Variants in STOM observed in about 807,000 individuals in gnomAD.
STOM encodes erythrocyte band 7 integral membrane protein.
STOM carries 25 observed loss-of-function variants against 30.6 expected under a neutral mutation model. The observed-to-expected ratio is 0.82, with a 90% CI of 0.60 to 1.14. STOM has a LOEUF of 1.14. STOM is among the 50% of genes most tolerant of loss of function. The pLI is 0.00. For synonymous variants in STOM, 118 were observed against 130.8 expected (o/e 0.90, Z 0.67); for missense variants, 292 against 365.2 (o/e 0.80, Z 1.63).
chr9:121,347,902 T>G, intron 6 of STOM, 113 bp downstream of exon 6: 5 of 1,336,498 alleles, frequency 3.7e-6, no homozygotes, highest in Non-Finnish European at 5.0e-6. Context: ...ACTTCTAACT[T>G]TACCACTTCA....
intron 1 of STOM, among the ~76,000 whole-genome samples, chr9:121,368,444 A>C (rs1444283644): frequency 6.6e-6 from 1 of 152,204 alleles, no homozygotes; most frequent in Non-Finnish European, 1.5e-5. Flanking sequence ...GGAAAAGACA[A>C]CTAACTATCG....
chr9:121,356,875 G>A (rs1015931473), intron 1 of STOM, among the ~76,000 whole-genome samples: 5 of 152,062 alleles, frequency 3.3e-5, no homozygotes, highest in Non-Finnish European at 5.9e-5. Context: ...CCCAGCTACT[G>A]GGAAGGCTGA....
At chr9:121,348,263 A>ACC in intron 5 of STOM, 114 bp from the exon 6 acceptor site, 1 of 1,444,650 alleles carries the variant, frequency 6.9e-7, no homozygotes. Flanking sequence ...TTGTGGAGAG[A>ACC]CAGTTACCCC....
chr9:121,340,066 A>G lies in STOM; in HGVS notation c.*1136T>C. On this transcript the variant is annotated 3_prime_UTR_variant, in exon 7 of 7. Transcript: ENST00000286713. ...CAGCTATTCAAATAGATATATAACAATTGCATATAGAACGTAGAGAAAATT... is the reference window on the plus strand; with the variant it reads ...CAGCTATTCAAATAGATATATAACAGTTGCATATAGAACGTAGAGAAAATT... 9.3e-6 allele frequency: 9 copies of G among 972,756 alleles called. No individual in the cohort carries two copies. The highest frequency in any genetic ancestry group is 1.1e-5 in the Non-Finnish European group (9 of 818,314). 60.3% of individuals were successfully genotyped at this position (972,756 alleles called of 1,614,324 possible). A position where few individuals can be genotyped will look rare whatever the true frequency, so the allele number is the denominator to read the frequency against.
chr9:121,342,787 G>A (rs917749495), intron 6 of STOM, among the ~76,000 whole-genome samples: 8 of 152,166 alleles, frequency 5.3e-5, no homozygotes, highest in Non-Finnish European at 1.0e-4. Flanking sequence ...TTTACATGCC[G>A]ATTTAAAATG....
intron 3 of STOM, 48 bp downstream of exon 3, chr9:121,354,553 A>C: frequency 6.8e-7 from 1 of 1,464,858 alleles, no homozygotes; most frequent in Non-Finnish European, 9.3e-7. Flanking sequence ...AAAAAAAATA[A>C]AAAGAACTTT....
intron 1 of STOM, among the ~76,000 whole-genome samples, chr9:121,363,702 CAG>C (rs984500886): frequency 1.3e-5 from 2 of 152,146 alleles, no homozygotes; most frequent in South Asian, 2.1e-4. Flanking sequence ...CATACAGAAA[CAG>C]AGTCAGCTAG....
intron 1 of STOM, among the ~76,000 whole-genome samples, chr9:121,365,477 GTT>G (rs60755333): frequency 1.0e-4 from 15 of 144,822 alleles, no homozygotes; most frequent in South Asian, 4.3e-4. Context: ...CACTTTTTAG[GTT>G]TTTTTTTTTT....
rs79106706 is a variant in STOM at position 121,354,910 on chromosome 9, T to C, written c.166-237A>G. Among the ~76,000 whole-genome samples the C allele has an allele frequency of 4.2e-3, 643 of 152,230 alleles. 4 individuals carry two copies. The highest frequency in any genetic ancestry group is 0.015 in the African/African-American group (614 of 41,522). ...CTGTATAAATTTAGGAAGGACAGAA[T>C]AGTATACAGAAACAAATCCATAACC... On this transcript the variant is annotated intron_variant, in intron 2 of 6. Transcript: ENST00000286713.
At chr9:121,369,926 G>T in intron 1 of STOM, 2 of 514,284 alleles carry the variant, frequency 3.9e-6, no homozygotes, top group East Asian at 3.0e-5. Flanking sequence ...GCCGTTGGCA[G>T]CCCGCCACCC....
Position 121,339,470 on chromosome 9 carries a change from G to T in STOM, c.*1732C>A. On this transcript the variant is annotated 3_prime_UTR_variant, in exon 7 of 7. Coordinates refer to ENST00000286713, the MANE Select transcript of STOM (RefSeq NM_004099.6). Reference sequence around the variant, plus strand: ...ACTCAGCTAGGAGCCAGGATACATGGTAGTTCAAGGCTTCCTAAAATAAGC... The same window carrying T: ...ACTCAGCTAGGAGCCAGGATACATGTTAGTTCAAGGCTTCCTAAAATAAGC... 1 of 1,121,400 alleles carries T rather than the reference G, an allele frequency of 8.9e-7. No homozygotes were observed. The highest frequency in any genetic ancestry group is 1.1e-6 in the Non-Finnish European group (1 of 890,834). The allele number at this position is 1,121,400 out of a possible 1,614,324, so 69.5% of individuals were successfully genotyped here. A position where few individuals can be genotyped will look rare whatever the true frequency, so the allele number is the denominator to read the frequency against.
At chr9:121,356,444 A>G (rs2064391211) in intron 1 of STOM, among the ~76,000 whole-genome samples, 1 of 152,274 alleles carries the variant, frequency 6.6e-6, no homozygotes, top group Non-Finnish European at 1.5e-5. Flanking sequence ...TGAAATGATA[A>G]CAATGAGTAA....
At chr9:121,363,684 T>C (rs2064475900) in intron 1 of STOM, among the ~76,000 whole-genome samples, 1 of 152,206 alleles carries the variant, frequency 6.6e-6, no homozygotes, top group South Asian at 2.1e-4. Flanking sequence ...ATTTCATAAC[T>C]TGTGGGACAT....
At chr9:121,366,138 C>T (rs2064500989) in intron 1 of STOM, 1 of 985,244 alleles carries the variant, frequency 1.0e-6, no homozygotes, top group Non-Finnish European at 1.2e-6. Context: ...TTTAACTGGA[C>T]CACAAGTTCA....
chr9:121,347,666 C>T (rs2064300949), intron 6 of STOM, among the ~76,000 whole-genome samples: 1 of 152,098 alleles, frequency 6.6e-6, no homozygotes, highest in Admixed American at 6.6e-5. Context: ...ATGGTACACA[C>T]AGTCATAAAA....
At chr9:121,369,315 T>C (rs576657689) in intron 1 of STOM, among the ~76,000 whole-genome samples, 1 of 152,318 alleles carries the variant, frequency 6.6e-6, no homozygotes, top group African/African-American at 2.4e-5. Flanking sequence ...AGAAACACTG[T>C]AATTCCTCTG....
In STOM at chr9:121,348,015, C is replaced by T. The variant is rs142716471; in HGVS notation, c.660G>A (p.Lys220=). Residue 220 remains lysine (K), a splice_region_variant and synonymous_variant, in exon 6 of 7, where the codon AAG becomes AAA. Transcript: ENST00000286713. ...EAEASREARA[K]VIAAEGEMNA... ...AAAACAAGTTTAAAAAAAAAGTTAC[C>T]TTGGCGCGGGCCTCGCGGGACGCTT... 72 of 1,604,336 alleles carry T rather than the reference C, an allele frequency of 4.5e-5. 1 individual carries two copies. The African/African-American group carries it at 6.3e-4, about 14-fold the overall frequency.
At chr9:121,358,278 G>A (rs2064416626) in intron 1 of STOM, among the ~76,000 whole-genome samples, 2 of 152,028 alleles carry the variant, frequency 1.3e-5, no homozygotes, top group African/African-American at 2.4e-5. Flanking sequence ...GCAACCTAGT[G>A]AGACTCCCAT....
intron 4 of STOM, among the ~76,000 whole-genome samples, chr9:121,352,881 A>T (rs2064350997): frequency 6.6e-6 from 1 of 152,194 alleles, no homozygotes; most frequent in Non-Finnish European, 1.5e-5. Flanking sequence ...ACCTGAGGTC[A>T]GGAGTTCGAG....
Sources: gnomAD v4.1 joint callset for allele counts (sites outside exome capture counted in the v4.1 genomes callset) on GRCh38, gnomAD v4.1.1 for gene constraint, MANE v1.5 for transcripts, NCBI Gene and HGNC (gene_info 2026-07-23, HGNC 2026-07-21) for gene names.